The following CHN2 variants were observed in gnomAD, a reference collection of about 807,000 sequenced individuals.
The protein encoded by CHN2 is beta-chimaerin.
A neutral mutation model predicts 56.3 loss-of-function variants in CHN2; 35 were observed. The observed-to-expected ratio is 0.62, with a 90% CI of 0.47 to 0.82. The LOEUF (loss-of-function observed/expected upper bound fraction) is 0.82, where lower values mean the gene tolerates loss of function less well. Among genes scored for constraint, CHN2 ranks in the 40% least tolerant of loss-of-function variants. CHN2 has a pLI of 0.00. For synonymous variants in CHN2, 210 were observed against 212.8 expected (o/e 0.99, Z 0.12); for missense variants, 491 against 580.5 (o/e 0.85, Z 1.58).
chr7:29,148,543 A>C (rs1793101255), intron 2 of CHN2: 1 of 152,232 alleles, frequency 6.6e-6, no homozygotes, highest in Non-Finnish European at 1.5e-5. Context: ...CAGAAGAGAA[A>C]ATTACATTTA....
intron 1 of CHN2, among the ~76,000 whole-genome samples, chr7:29,308,926 A>C (rs1794372573): frequency 6.6e-6 from 1 of 152,136 alleles, no homozygotes; most frequent in Non-Finnish European, 1.5e-5. Flanking sequence ...GGGTGTGAGG[A>C]TAGGAACATG....
intron 6 of CHN2, among the ~76,000 whole-genome samples, chr7:29,433,155 C>T (rs1782972101): frequency 6.6e-6 from 1 of 152,138 alleles, no homozygotes; most frequent in Non-Finnish European, 1.5e-5. Flanking sequence ...GTGCTACATG[C>T]CGTGGGGGGA....
chr7:29,425,677 T>A (rs1030277869), intron 6 of CHN2, among the ~76,000 whole-genome samples: 1 of 152,164 alleles, frequency 6.6e-6, no homozygotes, highest in East Asian at 1.9e-4. Context: ...TTTTTCTACT[T>A]CTTATCATAT....
chr7:29,479,430 C>T (rs1405845194), intron 6 of CHN2, among the ~76,000 whole-genome samples: 1 of 152,166 alleles, frequency 6.6e-6, no homozygotes, highest in Non-Finnish European at 1.5e-5. Flanking sequence ...TGCAACTTTG[C>T]AGAACTCAGA....
At chr7:29,170,580 TAC>T (rs1796467874) in intron 2 of CHN2, among the ~76,000 whole-genome samples, 1 of 152,244 alleles carries the variant, frequency 6.6e-6, no homozygotes, top group Non-Finnish European at 1.5e-5. Context: ...AATCAACCAT[TAC>T]ATGACAAATG....
At chr7:29,331,505 G>C (rs1012918511) in intron 1 of CHN2, among the ~76,000 whole-genome samples, 1 of 152,072 alleles carries the variant, frequency 6.6e-6, no homozygotes, top group African/African-American at 2.4e-5. Context: ...CATTTCTCCC[G>C]CCACCCCCTC....
At chr7:29,172,453 C>T (rs1796726097) in intron 2 of CHN2, among the ~76,000 whole-genome samples, 1 of 152,112 alleles carries the variant, frequency 6.6e-6, no homozygotes, top group Non-Finnish European at 1.5e-5. Context: ...CATATTGCCA[C>T]CCATTTATCA....
intron 1 of CHN2, among the ~76,000 whole-genome samples, chr7:29,319,484 C>T (rs1011097868): frequency 6.6e-6 from 1 of 152,110 alleles, no homozygotes; most frequent in Admixed American, 6.6e-5. Context: ...TTCTCTGGAG[C>T]CAGGCATGGT....
At chr7:29,260,347 A>C (rs973899562) in intron 1 of CHN2, among the ~76,000 whole-genome samples, 2 of 152,160 alleles carry the variant, frequency 1.3e-5, no homozygotes, top group African/African-American at 4.8e-5. Context: ...CAGGTACTTT[A>C]TTTTATAAAA....
chr7:29,195,367 G>A (rs1033468082), intron 1 of CHN2: 3 of 233,650 alleles, frequency 1.3e-5, no homozygotes, highest in Non-Finnish European at 2.5e-5. Flanking sequence ...CCTGTTTGCC[G>A]TGCCGCGCCC....
intron 2 of CHN2, among the ~76,000 whole-genome samples, chr7:29,363,039 T>G (rs913438755): frequency 1.3e-5 from 2 of 152,242 alleles, no homozygotes; most frequent in Non-Finnish European, 2.9e-5. Flanking sequence ...CGCTGTGGAT[T>G]CTATAGTCCT....
chr7:29,293,549 C>G (rs1792851603), intron 1 of CHN2, among the ~76,000 whole-genome samples: 1 of 152,246 alleles, frequency 6.6e-6, no homozygotes, highest in East Asian at 1.9e-4. Flanking sequence ...CATCACGCTC[C>G]TCTCTCCTTC....
intron 1 of CHN2, among the ~76,000 whole-genome samples, chr7:29,277,023 G>A (rs911035952): frequency 6.6e-6 from 1 of 152,114 alleles, no homozygotes; most frequent in Non-Finnish European, 1.5e-5. Context: ...TGATTTAGTG[G>A]GTTACCACAT....
intron 1 of CHN2, among the ~76,000 whole-genome samples, chr7:29,319,209 C>T (rs1038039275): frequency 6.6e-6 from 1 of 152,182 alleles, no homozygotes; most frequent in African/African-American, 2.4e-5. Context: ...TTGTAAAGGT[C>T]TTCCTGCATG....
chr7:29,212,997 T>A, intron 1 of CHN2: 1 of 1,608,850 alleles, frequency 6.2e-7, no homozygotes, highest in Non-Finnish European at 8.5e-7. Flanking sequence ...CCTGGAACAA[T>A]CAGGCCTGGA....
chr7:29,245,479 T>G (rs39090), intron 1 of CHN2, among the ~76,000 whole-genome samples: 110,847 of 152,180 alleles, frequency 0.73, 41,203 homozygotes, highest in East Asian at 0.93. Flanking sequence ...TAAGAAATAG[T>G]CTGTTTTCAA....
intron 8 of CHN2, 36 bp from the exon 9 acceptor site, chr7:29,499,831 G>A: frequency 4.0e-6 from 6 of 1,512,366 alleles, no homozygotes; most frequent in Non-Finnish European, 5.3e-6. Context: ...TTGACAAAAG[G>A]GCTGGGCTAG....
intron 7 of CHN2, among the ~76,000 whole-genome samples, chr7:29,495,481 G>C (rs1222695413): frequency 6.6e-6 from 1 of 152,148 alleles, no homozygotes; most frequent in Admixed American, 6.5e-5. Context: ...TTTGGAAGTA[G>C]CTCAAAGACT....
intron 6 of CHN2, among the ~76,000 whole-genome samples, chr7:29,456,321 T>C (rs1322846970): frequency 6.6e-6 from 1 of 152,214 alleles, no homozygotes; most frequent in Non-Finnish European, 1.5e-5. Flanking sequence ...TCTCCTCAAC[T>C]AGACCAAATG....
Sources: gnomAD v4.1 joint callset for allele counts (sites outside exome capture counted in the v4.1 genomes callset) on GRCh38, gnomAD v4.1.1 for gene constraint, MANE v1.5 for transcripts, NCBI Gene and HGNC (gene_info 2026-07-23, HGNC 2026-07-21) for gene names.